Variants in COL6A1 observed in about 807,000 individuals in gnomAD.
COL6A1 encodes collagen alpha-1(VI) chain.
COL6A1 carries 80 observed loss-of-function variants against 145.6 expected under a neutral mutation model. The observed-to-expected ratio is 0.55, with a 90% CI of 0.46 to 0.66. The LOEUF is 0.66. Ranked by LOEUF, COL6A1 falls within the 30% of genes least tolerant of loss-of-function variation. The probability of loss-of-function intolerance (pLI) is 0.00; values close to 1 mark genes in which losing one functional copy is unlikely to be tolerated. For synonymous variants in COL6A1, 638 were observed against 622.8 expected (o/e 1.02, Z -0.36); for missense variants, 1,364 against 1,473.8 (o/e 0.93, Z 1.22).
Position 45,994,200 on chromosome 21 carries a change from G to A in COL6A1, c.1369G>A (p.Glu457Lys). Reference sequence around the variant, plus strand: ...TGGCCCGCAGGGTGATCAGGGAAGAGAAGGCCCCGTTGGTGTCCCTGGAGA... The same window carrying A: ...TGGCCCGCAGGGTGATCAGGGAAGAAAAGGCCCCGTTGGTGTCCCTGGAGA... ...EAGPQGDQGREGPVGVPGDPG... is the reference protein window; with the variant it reads ...EAGPQGDQGRKGPVGVPGDPG... Residue 457 changes from glutamate (E) to lysine (K), a missense_variant, in exon 20 of 35, where the codon GAA becomes AAA. Physicochemically the swap from Glu to Lys is moderately conservative, Grantham distance 56. Around this residue, in one of 3 missense-constraint regions of COL6A1, gnomAD observed 938 missense variants for 1,003.8 expected, o/e 0.93. Coordinates refer to ENST00000361866, the MANE Select transcript of COL6A1 (RefSeq NM_001848.3). This position sits in a 1 kb window ranked among gnomAD's most constrained non-coding sequence, Gnocchi z 6.8. 1.2e-6 allele frequency: 2 copies of A among 1,609,332 alleles called. No individual in the cohort carries two copies. Among genetic ancestry groups the A allele is most frequent in the Non-Finnish European group, 1.7e-6 (2 of 1,178,430 alleles).
At chr21:45,987,790 G>GGGAGTCCAGATGGAGGGGATGGC in intron 8 of COL6A1, 136 bp downstream of exon 8, 4 of 214,752 alleles carry the variant, frequency 1.9e-5, no homozygotes, top group Admixed American at 1.4e-4. Context: ...AGGGGACGGC[G>GGGAGTCCAGATGGAGGGGATGGC]GGGGTCCAGA....
At chr21:46,003,237 G>A in intron 34 of COL6A1, 88 bp downstream of exon 34, 1 of 1,608,556 alleles carries the variant, frequency 6.2e-7, no homozygotes, top group Non-Finnish European at 8.5e-7. Context: ...TGGGAGGAGG[G>A]CCTGGCGGTC....
chr21:45,987,413 A>G, intron 6 of COL6A1, 86 bp from the exon 7 acceptor site: 9 of 1,587,590 alleles, frequency 5.7e-6, no homozygotes, highest in Non-Finnish European at 6.9e-6. Context: ...CCGTCTGCCC[A>G]TGTGCCTGGG....
chr21:46,003,171 A>T, intron 34 of COL6A1, 22 bp downstream of exon 34: 1 of 1,613,882 alleles, frequency 6.2e-7, no homozygotes, highest in Non-Finnish European at 8.5e-7. Flanking sequence ...GGCGGCCGGG[A>T]CACGTGGGGA....
chr21:45,997,486 G>C lies in COL6A1; in HGVS notation c.1461+3G>C, dbSNP rs748378132. 4.4e-6 allele frequency: 7 copies of C among 1,606,014 alleles called. No homozygotes were observed. The East Asian group carries it at 1.6e-4, about 36-fold the overall frequency. ...ATGAGGGTCCCCCAGGGTCCGAGGTGAGTCCCACTCCCCACCCACACCCGC... is the reference window on the plus strand; with the variant it reads ...ATGAGGGTCCCCCAGGGTCCGAGGTCAGTCCCACTCCCCACCCACACCCGC... On this transcript the variant is annotated splice_donor_region_variant and intron_variant, in intron 21 of 34. Transcript: ENST00000361866.
rs200770631 is a variant in COL6A1 at position 46,001,267 on chromosome 21, C to A, written c.1837C>A (p.Pro613Thr). 61 of 1,609,528 alleles carry A rather than the reference C, an allele frequency of 3.8e-5. No homozygotes were observed. The highest frequency in any genetic ancestry group is 1.0e-4 in the Admixed American group (6 of 60,018). Residue 613 changes from proline to threonine, a missense_variant, in exon 30 of 35, where the codon CCC becomes ACC. By Grantham distance (38) the Pro-to-Thr change is conservative. Transcript: ENST00000361866. ...MCSCCECKCGPIDLLFVLDSS... is the reference protein window; with the variant it reads ...MCSCCECKCGTIDLLFVLDSS... ...CCCGCCTGCAGAATGCAAGTGCGGC[C>A]CCATCGACCTCCTGTTCGTGCTGGA...
In COL6A1 at chr21:46,000,598, CCGGGGAGG is replaced by C. The variant is rs139447078; in HGVS notation, c.1814-147_1814-140del. 0.035 allele frequency among the ~76,000 whole-genome samples: 5,328 copies of C among 152,146 alleles called. 227 individuals are homozygous for C. Among genetic ancestry groups the C allele is most frequent in the East Asian group, 0.15 (772 of 5,134 alleles). ...CAGAGCTGCCACGTGGGGAGGGCGGCCGGGGAGGCGGGGAGGCGGGGCAGGAGGCCGGG... is the reference window on the plus strand; with the variant it reads ...CAGAGCTGCCACGTGGGGAGGGCGGCCGGGGAGGCGGGGCAGGAGGCCGGG... On this transcript the variant is annotated intron_variant, in intron 28 of 34. Transcript: ENST00000361866.
chr21:45,989,264 G>A, intron 9 of COL6A1, 127 bp downstream of exon 9: 1 of 1,068,912 alleles, frequency 9.4e-7, no homozygotes, highest in Non-Finnish European at 1.4e-6. Flanking sequence ...CCTTGTGGGT[G>A]GGAGCAGACC....
intron 27 of COL6A1, 54 bp from the exon 28 acceptor site, chr21:46,000,277 C>A: frequency 6.2e-7 from 1 of 1,607,764 alleles, no homozygotes; most frequent in Non-Finnish European, 8.5e-7. Flanking sequence ...AGCCCACAGT[C>A]CCCGCTGGGA....
intron 18 of COL6A1, 114 bp from the exon 19 acceptor site, chr21:45,992,634 C>A: frequency 8.5e-7 from 1 of 1,170,980 alleles, no homozygotes; most frequent in Non-Finnish European, 1.2e-6. Context: ...GGAGGGGTGG[C>A]CCCTCCCAGG....
chr21:46,002,471 C>G, intron 32 of COL6A1, 56 bp from the exon 33 acceptor site: 4 of 1,613,354 alleles, frequency 2.5e-6, no homozygotes, highest in Non-Finnish European at 3.4e-6. Flanking sequence ...GGCCTTGTCC[C>G]CAGAAAGACG....
chr21:46,003,075 AG>A, intron 33 of COL6A1, 44 bp from the exon 34 acceptor site: 1 of 1,613,852 alleles, frequency 6.2e-7, no homozygotes, highest in Non-Finnish European at 8.5e-7. Context: ...GCGGGGTTAT[AG>A]GTGGAGCAGT....
intron 8 of COL6A1, 48 bp downstream of exon 8, chr21:45,987,702 G>T: frequency 1.3e-6 from 2 of 1,572,938 alleles, no homozygotes; most frequent in Non-Finnish European, 1.7e-6. Flanking sequence ...GCCTGGGAGT[G>T]GGGGTGGCAG....
chr21:46,001,059 C>T (rs2077841750), intron 29 of COL6A1, 194 bp from the exon 30 acceptor site: 9 of 838,776 alleles, frequency 1.1e-5, no homozygotes, highest in Non-Finnish European at 1.5e-5. Context: ...GCAACGCCAG[C>T]CCTGACCAGC....
At position 46,004,477 on chromosome 21, in the gene COL6A1, C is replaced by T. The variant is rs755396649; in HGVS notation, c.*464C>T. On this transcript the variant is annotated 3_prime_UTR_variant, in exon 35 of 35. Coordinates refer to ENST00000361866, the MANE Select transcript of COL6A1 (RefSeq NM_001848.3). ...ACGCCCTCTCGGGGCCTGTGCCGCA[C>T]TAGCCTCCCTCTCCTCTGTCCCCAT... is the stretch of plus-strand genomic sequence containing the variant. 2 of 316,446 alleles carry T rather than the reference C, an allele frequency of 6.3e-6. No homozygotes were observed. Among genetic ancestry groups the T allele is most frequent in the South Asian group, 5.1e-5 (2 of 39,318 alleles). 19.6% of individuals were successfully genotyped at this position (316,446 alleles called of 1,614,324 possible).
chr21:45,999,707 G>T lies in COL6A1; in HGVS notation c.1776+15G>T. The T allele has an allele frequency of 6.2e-7, 1 of 1,610,422 alleles. No homozygotes were observed. ...CTGGGCCGGACGTAAGTGGGGCTCT[G>T]TGAACATTGCTGGGGGCGACCACTG... is the stretch of plus-strand genomic sequence containing the variant. On this transcript the variant is annotated intron_variant, in intron 27 of 34. Coordinates refer to ENST00000361866, the MANE Select transcript of COL6A1 (RefSeq NM_001848.3).
chr21:45,982,641 C>T lies in COL6A1; in HGVS notation c.105C>T (p.Pro35=), dbSNP rs145579577. The T allele has an allele frequency of 1.2e-6, 2 of 1,612,850 alleles. No individual in the cohort carries two copies. The highest frequency in any genetic ancestry group is 1.3e-5 in the African/African-American group (1 of 75,046). The change falls in exon 2 of 35, where the codon CCC becomes CCT. Residue 35 remains proline (P), a synonymous_variant. Transcript: ENST00000361866. ...TPRAVAFQDC[P]VDLFFVLDTS... ...TCCTCCATCTTCGGCCAGACTGCCCCGTGGACCTGTTCTTTGTGCTGGACA... is the reference window on the plus strand; with the variant it reads ...TCCTCCATCTTCGGCCAGACTGCCCTGTGGACCTGTTCTTTGTGCTGGACA...
rs111675559 is a variant in COL6A1 at position 46,002,838 on chromosome 21, C to T, written c.2434+128C>T. On this transcript the variant is annotated intron_variant, in intron 33 of 34. Transcript: ENST00000361866. Reference sequence around the variant, plus strand: ...AGTCCCAGATCTGCGTAGGTGCACGCGGGGCCGCCCAGGGCCGTCCCAGAT... The same window carrying T: ...AGTCCCAGATCTGCGTAGGTGCACGTGGGGCCGCCCAGGGCCGTCCCAGAT... 2.4e-3 allele frequency: 2,848 copies of T among 1,207,470 alleles called. 4 individuals carry two copies. Among genetic ancestry groups the T allele is most frequent in the Non-Finnish European group, 3.0e-3 (2,571 of 852,464 alleles). 74.8% of individuals were successfully genotyped at this position (1,207,470 alleles called of 1,614,324 possible). A position where few individuals can be genotyped will look rare whatever the true frequency, so the allele number is the denominator to read the frequency against.
In COL6A1 at chr21:45,986,936, G is replaced by A. The variant is rs1340343781; in HGVS notation, c.589-8G>A. On this transcript the variant is annotated splice_region_variant and splice_polypyrimidine_tract_variant and intron_variant, in intron 4 of 34. Coordinates refer to ENST00000361866, the MANE Select transcript of COL6A1 (RefSeq NM_001848.3). ...CCCTGCTCAGCCCACCCTGAACACT[G>A]CCCCCAGGAGCCGCGTCTGAGCATC... 9 of 1,545,616 alleles carry A rather than the reference G, an allele frequency of 5.8e-6. No homozygotes were observed. Among genetic ancestry groups the A allele is most frequent in the Non-Finnish European group, 2.6e-6 (3 of 1,149,730 alleles).
Sources: gnomAD v4.1 joint callset for allele counts (sites outside exome capture counted in the v4.1 genomes callset) on GRCh38, gnomAD v4.1.1 for gene constraint, gnomAD v4.1.1 regional missense constraint, Gnocchi (gnomAD v3.1) non-coding constraint, MANE v1.5 for transcripts, NCBI Gene and HGNC (gene_info 2026-07-23, HGNC 2026-07-21) for gene names.